TOX2: variants seen among roughly 807,000 people sequenced by gnomAD.
TOX2 encodes the protein TOX high mobility group box family member 2, also known as granulosa cell HMG box 1.
In TOX2, 15 loss-of-function variants were observed where a neutral mutation model predicts 47.4. The ratio of observed to expected loss-of-function variants is 0.32; its 90% confidence interval spans 0.21 to 0.49. The LOEUF is 0.49. Ranked by LOEUF, TOX2 falls within the 20% of genes least tolerant of loss-of-function variation. The pLI, the probability that TOX2 is intolerant of heterozygous loss-of-function variation, is 0.99. For synonymous variants in TOX2, 290 were observed against 296.6 expected (o/e 0.98, Z 0.23); for missense variants, 622 against 673.1 (o/e 0.92, Z 0.84).
chr20:43,923,746 A>G (rs1046525430), intron 1 of TOX2, among the ~76,000 whole-genome samples: 1 of 151,920 alleles, frequency 6.6e-6, no homozygotes, highest in Non-Finnish European at 1.5e-5. Flanking sequence ...CTGGAAAAGG[A>G]CTCTGAGATG....
chr20:43,923,999 A>G (rs1460703810), intron 1 of TOX2, among the ~76,000 whole-genome samples: 1 of 152,146 alleles, frequency 6.6e-6, no homozygotes, highest in African/African-American at 2.4e-5. Flanking sequence ...TCATCTGGTC[A>G]TTTCAGCATA....
intron 5 of TOX2, among the ~76,000 whole-genome samples, chr20:44,064,123 A>T (rs1020662243): frequency 1.3e-5 from 2 of 152,172 alleles, no homozygotes; most frequent in Non-Finnish European, 2.9e-5. Flanking sequence ...TACAAAAAAA[A>T]TTTTTAAATA....
At chr20:43,969,178 T>G (rs182243478) in intron 1 of TOX2, among the ~76,000 whole-genome samples, 111 of 152,382 alleles carry the variant, frequency 7.3e-4, no homozygotes, top group African/African-American at 2.6e-3. Flanking sequence ...GTGTGTGCGT[T>G]GGTTGGTGTT....
intron 3 of TOX2, 40 bp from the exon 4 acceptor site, chr20:44,051,266 A>C (rs766788708): frequency 1.3e-6 from 2 of 1,559,930 alleles, no homozygotes; most frequent in Admixed American, 1.8e-5. Context: ...GTGGCAGGAC[A>C]GATCCTTCCT....
intron 8 of TOX2, 137 bp from the exon 9 acceptor site, chr20:44,068,513 A>T: frequency 8.9e-6 from 8 of 897,948 alleles, no homozygotes; most frequent in Non-Finnish European, 1.1e-5. Context: ...GGACTTGCAG[A>T]TGCAAGTCCC....
intron 1 of TOX2, among the ~76,000 whole-genome samples, chr20:43,954,383 C>A (rs11086912): frequency 1.3e-5 from 2 of 152,182 alleles, no homozygotes; most frequent in African/African-American, 2.4e-5. Context: ...CACAATGCAA[C>A]GTGTGACCAC....
chr20:44,033,489 TAAAGATCTTGTGATGGGC>T (rs2071188404), intron 3 of TOX2, among the ~76,000 whole-genome samples: 1 of 152,086 alleles, frequency 6.6e-6, no homozygotes, highest in African/African-American at 2.4e-5. Context: ...GTGATGAAGG[TAAAGATCTTGTGATGGGC>T]ATATGGCTCT....
chr20:44,019,988 G>A (rs1010773257), intron 3 of TOX2, among the ~76,000 whole-genome samples: 28 of 151,890 alleles, frequency 1.8e-4, no homozygotes, highest in African/African-American at 6.0e-4. Flanking sequence ...GCTCAGGAGA[G>A]CCCCGGGATT....
intron 2 of TOX2, among the ~76,000 whole-genome samples, chr20:43,980,801 A>T (rs978179121): frequency 6.6e-6 from 1 of 152,222 alleles, no homozygotes; most frequent in Non-Finnish European, 1.5e-5. Flanking sequence ...AGAAGAAAAG[A>T]CTTAAAATTG....
At chr20:44,024,602 T>C (rs1030232599) in intron 3 of TOX2, among the ~76,000 whole-genome samples, 3 of 152,152 alleles carry the variant, frequency 2.0e-5, no homozygotes, top group African/African-American at 7.2e-5. Context: ...TCCCAAAGCA[T>C]AGCTTTGTGG....
intron 1 of TOX2, among the ~76,000 whole-genome samples, chr20:43,956,740 C>T (rs1020153130): frequency 1.8e-4 from 27 of 152,144 alleles, no homozygotes; most frequent in African/African-American, 5.6e-4. Context: ...GGCTGGAACC[C>T]GTTTCCCATG....
chr20:44,057,908 G>GTGTCTTTC (rs1288122244), intron 5 of TOX2, among the ~76,000 whole-genome samples: 1 of 146,886 alleles, frequency 6.8e-6, no homozygotes, highest in Non-Finnish European at 1.5e-5. Flanking sequence ...ACTGGGCCAT[G>GTGTCTTTC]TGTCTTTCAT....
At chr20:44,043,934 C>T (rs1179870193) in intron 3 of TOX2, among the ~76,000 whole-genome samples, 3 of 152,132 alleles carry the variant, frequency 2.0e-5, no homozygotes, top group Non-Finnish European at 4.4e-5. Flanking sequence ...TGGGTATATA[C>T]CCAAAGGATT....
chr20:44,026,975 T>G (rs982919488), intron 3 of TOX2, among the ~76,000 whole-genome samples: 17 of 152,208 alleles, frequency 1.1e-4, no homozygotes, highest in Non-Finnish European at 2.4e-4. Context: ...CAGGCAACAC[T>G]TTTCTCGAGA....
intron 2 of TOX2, among the ~76,000 whole-genome samples, chr20:43,977,965 T>A (rs185606405): frequency 9.2e-5 from 14 of 152,256 alleles, no homozygotes; most frequent in African/African-American, 3.1e-4. Flanking sequence ...AAATTCCAGC[T>A]CCTCCATGCC....
chr20:44,056,284 G>C (rs1159911663), intron 5 of TOX2, among the ~76,000 whole-genome samples: 1 of 152,222 alleles, frequency 6.6e-6, no homozygotes, highest in Non-Finnish European at 1.5e-5. Context: ...TGGAAGTAGA[G>C]CATGTTTGTA....
intron 1 of TOX2, among the ~76,000 whole-genome samples, chr20:43,964,388 C>T (rs1401444404): frequency 6.6e-6 from 1 of 152,238 alleles, no homozygotes; most frequent in African/African-American, 2.4e-5. Context: ...ACCGCACTCT[C>T]GGCAGGACCT....
At chr20:43,980,617 A>G (rs2070153685) in intron 2 of TOX2, among the ~76,000 whole-genome samples, 1 of 152,236 alleles carries the variant, frequency 6.6e-6, no homozygotes, top group Admixed American at 6.5e-5. Flanking sequence ...CATGTACTCT[A>G]TAAATATGTA....
Position 44,006,555 on chromosome 20 carries a change from C to T in TOX2, c.174C>T (p.Asn58=), listed in dbSNP as rs187941441. 37 of 1,612,422 alleles carry T rather than the reference C, an allele frequency of 2.3e-5. 1 individual carries two copies. Among genetic ancestry groups the T allele is most frequent in the Admixed American group, 6.7e-5 (4 of 59,982 alleles). Residue 58 remains asparagine (N), a synonymous_variant, in exon 3 of 9, where the codon AAC becomes AAT. Transcript: ENST00000341197. Reference sequence around the variant, plus strand: ...TCTTTTTGATGTTTTAGACCTACAACGGCCAGAGCGAGAACAACGAAGACT... The same window carrying T: ...TCTTTTTGATGTTTTAGACCTACAATGGCCAGAGCGAGAACAACGAAGACT... The part of the protein sequence containing the change: ...PELLSTSQTY[N]GQSENNEDYE...
Sources: allele counts gnomAD v4.1 joint callset (sites outside exome capture counted in the v4.1 genomes callset), GRCh38; gene constraint gnomAD v4.1.1; transcripts MANE v1.5; gene names NCBI Gene and HGNC (gene_info 2026-07-23, HGNC 2026-07-21).